Variants in ME1 observed in about 807,000 individuals in gnomAD.
The protein encoded by ME1 is malic enzyme 1, also known as NADP-dependent malic enzyme.
Under a neutral mutation model 66.4 loss-of-function variants are expected in ME1, and 74 were observed. The ratio of observed to expected loss-of-function variants is 1.11; its 90% CI spans 0.92 to 1.35. The LOEUF is 1.35. Among genes scored for constraint, ME1 ranks in the 40% most tolerant of loss-of-function variants. The probability of loss-of-function intolerance (pLI) is 0.00; values close to 1 mark genes in which losing one functional copy is unlikely to be tolerated. For missense variants in ME1, 750 were observed against 694.1 expected (o/e 1.08, Z -0.90); for synonymous variants, 251 against 235.6 (o/e 1.07, Z -0.60).
intron 4 of ME1, among the ~76,000 whole-genome samples, chr6:83,350,629 C>A (rs932643597): frequency 4.6e-5 from 7 of 152,028 alleles, no homozygotes; most frequent in African/African-American, 9.7e-5. Context: ...GGACTACAGG[C>A]ATGCACCACC....
chr6:83,302,046 C>T (rs1169805386), intron 6 of ME1, among the ~76,000 whole-genome samples: 2 of 152,136 alleles, frequency 1.3e-5, no homozygotes, highest in Non-Finnish European at 2.9e-5. Flanking sequence ...GATATGGAAT[C>T]AACCTAAATG....
In ME1 at chr6:83,327,159, AG is replaced by A. The variant is rs1327448080; in HGVS notation, c.601-11747del. Among the ~76,000 whole-genome samples, 3 of 152,312 alleles carry A rather than the reference AG, an allele frequency of 2.0e-5. No individual in the cohort carries two copies. The South Asian group carries it at 6.2e-4, about 32-fold the overall frequency. ...AATCTCTTAATCCTGTCAGCTAAGA[AG>A]GATGTATGTCACCTCAGGACCCTGT... On this transcript the variant is annotated intron_variant, in intron 5 of 13. Coordinates refer to ENST00000369705, the MANE Select transcript of ME1 (RefSeq NM_002395.6).
At chr6:83,382,577 C>T (rs1769426963) in intron 3 of ME1, among the ~76,000 whole-genome samples, 1 of 152,032 alleles carries the variant, frequency 6.6e-6, no homozygotes. Context: ...GAATTAAGCT[C>T]CTCTGAAAAG....
intron 6 of ME1, among the ~76,000 whole-genome samples, chr6:83,255,022 C>T (rs909447474): frequency 7.2e-5 from 11 of 152,068 alleles, no homozygotes; most frequent in Non-Finnish European, 1.6e-4. Context: ...TCTTTTTCTT[C>T]TGATACAATA....
At chr6:83,342,299 T>G (rs1390311930) in intron 5 of ME1, among the ~76,000 whole-genome samples, 2 of 152,218 alleles carry the variant, frequency 1.3e-5, no homozygotes, top group Admixed American at 1.3e-4. Context: ...CTTTTCTTGC[T>G]TTATTCTTTC....
At position 83,383,671 on chromosome 6, in the gene ME1, A is replaced by G. The variant is rs535255859; in HGVS notation, c.362+14696T>C. On this transcript the variant is annotated intron_variant, in intron 3 of 13. Transcript: ENST00000369705. ...CTTTTAAAATAAATTACCTCATTTC[A>G]TAGTGAAAATGTTTTATTTCACAAG... Among the ~76,000 whole-genome samples, 21 of 151,978 alleles carry G rather than the reference A, an allele frequency of 1.4e-4. 1 individual carries two copies. Among genetic ancestry groups the G allele is most frequent in the African/African-American group, 5.1e-4 (21 of 41,406 alleles).
intron 5 of ME1, among the ~76,000 whole-genome samples, chr6:83,326,858 C>T (rs541220210): frequency 6.6e-6 from 1 of 152,262 alleles, no homozygotes; most frequent in South Asian, 2.1e-4. Flanking sequence ...ATAGAAAAAT[C>T]ATTTGACCCA....
In ME1 at chr6:83,331,851, T is replaced by C. The variant is rs561595556; in HGVS notation, c.600+14322A>G. On this transcript the variant is annotated intron_variant, in intron 5 of 13. Coordinates refer to ENST00000369705, the MANE Select transcript of ME1 (RefSeq NM_002395.6). ...TCCCATATAACGTATGAAAAGGTTC[T>C]TTAAGACATAATAATGTCCAAACAA... is the stretch of plus-strand genomic sequence containing the variant. Among the ~76,000 whole-genome samples, 137 of 152,268 alleles carry C rather than the reference T, an allele frequency of 9.0e-4. 1 individual carries two copies. Among genetic ancestry groups the C allele is most frequent in the African/African-American group, 3.1e-3 (129 of 41,556 alleles).
chr6:83,315,000 GT>G, intron 6 of ME1, among the ~76,000 whole-genome samples: 2 of 152,172 alleles, frequency 1.3e-5, no homozygotes, highest in African/African-American at 4.8e-5. Flanking sequence ...ATGTAAAAAG[GT>G]TTGCAGGTAA....
chr6:83,331,207 C>T (rs758320465), intron 5 of ME1, among the ~76,000 whole-genome samples: 34 of 152,078 alleles, frequency 2.2e-4, no homozygotes, highest in Admixed American at 2.0e-4. Context: ...CAGAATGTGA[C>T]GTATTTGGAG....
chr6:83,363,232 G>A (rs1481531169), intron 3 of ME1, among the ~76,000 whole-genome samples: 3 of 152,138 alleles, frequency 2.0e-5, no homozygotes, highest in African/African-American at 7.2e-5. Context: ...TCCAGAGGGA[G>A]GAACGCTGCC....
At chr6:83,222,552 A>T (rs1402326769) in intron 12 of ME1, among the ~76,000 whole-genome samples, 1 of 152,242 alleles carries the variant, frequency 6.6e-6, no homozygotes, top group Non-Finnish European at 1.5e-5. Flanking sequence ...TCTCATCCAT[A>T]AATGGTTACC....
intron 5 of ME1, among the ~76,000 whole-genome samples, chr6:83,332,253 A>C (rs541868233): frequency 5.3e-5 from 8 of 152,292 alleles, no homozygotes; most frequent in African/African-American, 1.9e-4. Flanking sequence ...GTCAAAAAAA[A>C]CAATAGATGT....
At chr6:83,261,957 TG>T (rs1171661990) in intron 6 of ME1, among the ~76,000 whole-genome samples, 3 of 140,982 alleles carry the variant, frequency 2.1e-5, no homozygotes, top group Non-Finnish European at 4.5e-5. Context: ...GAGGTTGCAG[TG>T]AGCCGTGATT....
intron 1 of ME1, among the ~76,000 whole-genome samples, chr6:83,419,938 T>C (rs1039677938): frequency 3.2e-4 from 49 of 152,300 alleles, no homozygotes; most frequent in African/African-American, 1.1e-3. Context: ...TACTGAACAA[T>C]GAGTCCTAAG....
chr6:83,309,765 C>G (rs528561979), intron 6 of ME1, among the ~76,000 whole-genome samples: 1 of 151,880 alleles, frequency 6.6e-6, no homozygotes, highest in Non-Finnish European at 1.5e-5. Flanking sequence ...CTTCAAGCCC[C>G]GAAGCATTCT....
chr6:83,332,443 G>T (rs976815551), intron 5 of ME1, among the ~76,000 whole-genome samples: 2 of 152,194 alleles, frequency 1.3e-5, no homozygotes, highest in Admixed American at 6.5e-5. Context: ...ATATCAAAAA[G>T]ACACCTGCAC....
rs796256883 is a variant in ME1, at chr6:83,302,331, C to CA, written c.704+12978dup. 3.5e-3 allele frequency among the ~76,000 whole-genome samples: 514 copies of CA among 146,538 alleles called. 2 individuals carry two copies. Among genetic ancestry groups the CA allele is most frequent in the African/African-American group, 9.6e-3 (386 of 40,090 alleles). On this transcript the variant is annotated intron_variant, in intron 6 of 13. Coordinates refer to ENST00000369705, the MANE Select transcript of ME1 (RefSeq NM_002395.6). ...AGGAGGTTGGGAGGAGGGAGAAGAGCAAAAAAAAAATAACTAACGAGTACT... is the reference window on the plus strand; with the variant it reads ...AGGAGGTTGGGAGGAGGGAGAAGAGCAAAAAAAAAAATAACTAACGAGTACT...
chr6:83,334,259 G>A (rs536642360), intron 5 of ME1, among the ~76,000 whole-genome samples: 4 of 141,026 alleles, frequency 2.8e-5, no homozygotes, highest in South Asian at 4.9e-4. Flanking sequence ...TTTTCAGACC[G>A]GCTTAAGAAA....
Sources: allele counts gnomAD v4.1 joint callset (sites outside exome capture counted in the v4.1 genomes callset), GRCh38; gene constraint gnomAD v4.1.1; transcripts MANE v1.5; gene names NCBI Gene and HGNC (gene_info 2026-07-23, HGNC 2026-07-21).